Variants in MYBPC1 observed in about 807,000 individuals in gnomAD.
The protein encoded by MYBPC1 is myosin binding protein C1.
In MYBPC1, 52 loss-of-function variants were observed where a neutral mutation model predicts 147.1. The ratio of observed to expected loss-of-function variants is 0.35; its 90% CI spans 0.28 to 0.45. The LOEUF is 0.45. MYBPC1 is among the 20% of genes least tolerant of loss of function. The pLI is 1.00. For synonymous variants in MYBPC1, 477 were observed against 475.9 expected, an observed-to-expected ratio of 1.00 and a Z score of -0.03; for missense variants, 1,228 against 1,440.3, an observed-to-expected ratio of 0.85 and a Z score of 2.39.
At chr12:101,674,551 T>C (rs1194962009) in intron 25 of MYBPC1, among the ~76,000 whole-genome samples, 1 of 152,112 alleles carries the variant, frequency 6.6e-6, no homozygotes, top group Non-Finnish European at 1.5e-5. Context: ...ACTTAAATTA[T>C]ACTGTAATTT....
chr12:101,673,745 T>C (rs1447648568), intron 25 of MYBPC1, 123 bp downstream of exon 25: 2 of 1,094,172 alleles, frequency 1.8e-6, no homozygotes, highest in Non-Finnish European at 2.7e-6. Context: ...TTTTTTTAGA[T>C]TTATTTTTTA....
At chr12:101,609,549 C>T (rs2135723341) in intron 1 of MYBPC1, among the ~76,000 whole-genome samples, 1 of 152,234 alleles carries the variant, frequency 6.6e-6, no homozygotes, top group East Asian at 1.9e-4. Context: ...TCCCGAGCCA[C>T]CATGCAGCCT....
intron 1 of MYBPC1, among the ~76,000 whole-genome samples, chr12:101,600,033 G>A (rs1009481471): frequency 1.3e-5 from 2 of 151,992 alleles, no homozygotes; most frequent in Admixed American, 6.6e-5. Flanking sequence ...CCTCTGAAGC[G>A]CCCTAAATAT....
At chr12:101,692,509 A>C in the MYBPC1 span, among the ~76,000 whole-genome samples, 1 of 152,210 alleles carries the variant, frequency 6.6e-6, no homozygotes, top group Non-Finnish European at 1.5e-5. Flanking sequence ...GCCATGGGTA[A>C]GTTTTTGAAC....
intron 1 of MYBPC1, among the ~76,000 whole-genome samples, chr12:101,605,122 A>C (rs1215034169): frequency 6.6e-6 from 1 of 152,216 alleles, no homozygotes; most frequent in Non-Finnish European, 1.5e-5. Context: ...GAGGCCCTTC[A>C]GAGGCCCTTT....
chr12:101,619,756 G>T (rs922819112), intron 3 of MYBPC1, among the ~76,000 whole-genome samples: 17 of 152,010 alleles, frequency 1.1e-4, no homozygotes, highest in African/African-American at 4.1e-4. Flanking sequence ...CACTTTAACT[G>T]GTCTTCTATT....
intron 1 of MYBPC1, among the ~76,000 whole-genome samples, chr12:101,598,870 C>T (rs1272981008): frequency 1.3e-5 from 2 of 152,332 alleles, no homozygotes; most frequent in Admixed American, 1.3e-4. Context: ...GTGTGAGCCA[C>T]TGTGCCTGGC....
chr12:101,620,033 G>A (rs1031821071), intron 3 of MYBPC1, among the ~76,000 whole-genome samples: 10 of 152,154 alleles, frequency 6.6e-5, no homozygotes, highest in African/African-American at 2.4e-4. Flanking sequence ...CCAGCACGGG[G>A]TTTTATGATT....
chr12:101,604,331 T>A (rs1461941445), intron 1 of MYBPC1, among the ~76,000 whole-genome samples: 1 of 152,196 alleles, frequency 6.6e-6, no homozygotes, highest in Non-Finnish European at 1.5e-5. Context: ...TTCAGGGAAA[T>A]TCCAAAGGTT....
chr12:101,660,985 A>G (rs1896450455), intron 19 of MYBPC1, among the ~76,000 whole-genome samples, 173 bp from the exon 20 acceptor site: 1 of 152,220 alleles, frequency 6.6e-6, no homozygotes, highest in African/African-American at 2.4e-5. Context: ...TCAAGATGAG[A>G]TTTGGATGGG....
At position 101,648,025 on chromosome 12, in the gene MYBPC1, T is replaced by C. The variant is rs1565952713; in HGVS notation, c.1091-20T>C. On this transcript the variant is annotated intron_variant, in intron 13 of 31. Coordinates refer to ENST00000361466, the MANE Select transcript of MYBPC1 (RefSeq NM_002465.4). ...GCTTTGGATATTTAATGATTCTGAT[T>C]TCCCCTTTTTGTATACTAGAGCCTC... is the stretch of plus-strand genomic sequence containing the variant. 1 of 1,571,720 alleles carries C rather than the reference T, an allele frequency of 6.4e-7. No homozygotes were observed. Among genetic ancestry groups the C allele is most frequent in the African/African-American group, 1.4e-5 (1 of 73,948 alleles).
chr12:101,651,729 T>C (rs1341346967), intron 16 of MYBPC1, among the ~76,000 whole-genome samples: 1 of 152,124 alleles, frequency 6.6e-6, no homozygotes, highest in Non-Finnish European at 1.5e-5. Context: ...TCAATTGAGC[T>C]CAGGAGTTCA....
At chr12:101,633,895 CTT>C (rs571261326) in intron 8 of MYBPC1, among the ~76,000 whole-genome samples, 73 of 137,180 alleles carry the variant, frequency 5.3e-4, no homozygotes, top group Non-Finnish European at 6.3e-4. Context: ...ACCTGGAGGG[CTT>C]TTTTTTTTTT....
intron 12 of MYBPC1, among the ~76,000 whole-genome samples, chr12:101,645,008 A>T (rs1030110373): frequency 6.6e-6 from 1 of 152,204 alleles, no homozygotes; most frequent in Admixed American, 6.5e-5. Context: ...ATTCTAAAAA[A>T]CTATTTAAAG....
At chr12:101,642,716 G>T (rs1892326362) in intron 11 of MYBPC1, 131 bp downstream of exon 11, 1 of 948,738 alleles carries the variant, frequency 1.1e-6, no homozygotes, top group Non-Finnish European at 1.6e-6. Flanking sequence ...GGAGTGCAGG[G>T]GTTACGCTTG....
chr12:101,665,712 C>T (rs914586259), intron 22 of MYBPC1, among the ~76,000 whole-genome samples: 4 of 152,088 alleles, frequency 2.6e-5, no homozygotes, highest in Non-Finnish European at 5.9e-5. Flanking sequence ...GGTCTTGTTT[C>T]GTCCTGTTTT....
rs966075821 is a variant in MYBPC1, at chr12:101,644,589, A to T, written c.833-75A>T. 2.9e-6 allele frequency: 4 copies of T among 1,358,458 alleles called. No homozygotes were observed. The African/African-American group carries it at 5.8e-5, about 20-fold the overall frequency. The allele number at this position is 1,358,458 out of a possible 1,614,324, so 84.2% of individuals were successfully genotyped here. On this transcript the variant is annotated intron_variant, in intron 11 of 31. Coordinates refer to ENST00000361466, the MANE Select transcript of MYBPC1 (RefSeq NM_002465.4). ...TTTTCATTTGCTTTTAGGTTCTCCT[A>T]CATGTATTGACTATTTAAATTCATA...
rs566899530 is a variant in MYBPC1 at position 101,649,983 on chromosome 12, C to CA, written c.1363+562dup. ...CAGCAAATATCTCAAGATGATGTCA[C>CA]AAAAAGAGCAGAAATCTTACTTCCA... On this transcript the variant is annotated intron_variant, in intron 15 of 31. Coordinates refer to ENST00000361466, the MANE Select transcript of MYBPC1 (RefSeq NM_002465.4). 3.3e-5 allele frequency among the ~76,000 whole-genome samples: 5 copies of CA among 152,312 alleles called. No homozygotes were observed. In the East Asian group the frequency reaches 9.6e-4, roughly 29 times the overall value.
At chr12:101,614,581 T>A in intron 2 of MYBPC1, 50 bp downstream of exon 2, 1 of 1,598,250 alleles carries the variant, frequency 6.3e-7, no homozygotes, top group Non-Finnish European at 8.5e-7. Context: ...ATACAGAGGG[T>A]CCATCCCAGC....
Sources: gnomAD v4.1 joint callset for allele counts (sites outside exome capture counted in the v4.1 genomes callset) on GRCh38, gnomAD v4.1.1 for gene constraint, MANE v1.5 for transcripts, NCBI Gene and HGNC (gene_info 2026-07-23, HGNC 2026-07-21) for gene names.